The following LIMK2 variants were observed in gnomAD, a reference collection of about 807,000 sequenced individuals.
LIMK2 encodes LIM domain kinase 2.
A neutral mutation model predicts 75.7 loss-of-function variants in LIMK2; 35 were observed. The ratio of observed to expected loss-of-function variants is 0.46; its 90% CI spans 0.35 to 0.61. The LOEUF (loss-of-function observed/expected upper bound fraction) is 0.61, where lower values mean the gene tolerates loss of function less well. LIMK2 is among the 20% of genes least tolerant of loss of function. The probability of loss-of-function intolerance (pLI) is 0.00; values close to 1 mark genes in which losing one functional copy is unlikely to be tolerated. For synonymous variants in LIMK2, 301 were observed against 319.2 expected (o/e 0.94, Z 0.61); for missense variants, 623 against 831.0 (o/e 0.75, Z 3.08).
At chr22:31,275,399 G>C in intron 15 of LIMK2, 91 bp downstream of exon 15, 7 of 1,306,326 alleles carry the variant, frequency 5.4e-6, no homozygotes. Flanking sequence ...CAAGCACAGG[G>C]GTGAGAGAAG....
At position 31,275,889 on chromosome 22, in the gene LIMK2, A is replaced by G. The variant is rs145488149; in HGVS notation, c.1772+581A>G. 1.5e-3 allele frequency among the ~76,000 whole-genome samples: 221 copies of G among 152,268 alleles called. 1 individual carries two copies. The highest frequency in any genetic ancestry group is 4.4e-3 in the African/African-American group (183 of 41,542). On this transcript the variant is annotated intron_variant, in intron 15 of 15. Transcript: ENST00000331728. ...AAATTACCTTTATTCTTCTCAGGTAATAATTTCATTATTACCAAAGTTACC... is the reference window on the plus strand; with the variant it reads ...AAATTACCTTTATTCTTCTCAGGTAGTAATTTCATTATTACCAAAGTTACC...
Position 31,258,439 on chromosome 22 carries a change from C to T in LIMK2, c.252+13C>T. ...AGGGCCTTTTATGGTGAGTGAATCCCTTCATATCTGCCCCTCTTGGTCTTC... is the reference window on the plus strand; with the variant it reads ...AGGGCCTTTTATGGTGAGTGAATCCTTTCATATCTGCCCCTCTTGGTCTTC... On this transcript the variant is annotated intron_variant, in intron 3 of 15. Coordinates refer to ENST00000331728, the MANE Select transcript of LIMK2 (RefSeq NM_005569.4). 6.2e-7 allele frequency: 1 copy of T among 1,613,734 alleles called. No homozygotes were observed. Among genetic ancestry groups the T allele is most frequent in the East Asian group, 2.2e-5 (1 of 44,874 alleles).
At chr22:31,275,499 G>A (rs2049004543) in intron 15 of LIMK2, 191 bp downstream of exon 15, 1 of 587,892 alleles carries the variant, frequency 1.7e-6, no homozygotes, top group Non-Finnish European at 3.0e-6. Context: ...AGACATAGCA[G>A]CAAGTAATCT....
intron 2 of LIMK2, among the ~76,000 whole-genome samples, chr22:31,241,276 A>G (rs1226809711): frequency 2.0e-5 from 3 of 152,240 alleles, no homozygotes; most frequent in Admixed American, 2.0e-4. Flanking sequence ...AGGCAGTTTT[A>G]GTATGTTGGA....
At chr22:31,244,968 CT>C (rs2048654984) in intron 2 of LIMK2, among the ~76,000 whole-genome samples, 1 of 152,214 alleles carries the variant, frequency 6.6e-6, no homozygotes, top group Non-Finnish European at 1.5e-5. Flanking sequence ...GTGATTTAAC[CT>C]CCCTGTACCT....
rs780736822 is a variant in LIMK2, at chr22:31,272,572, A to G, written c.1426A>G (p.Ile476Val). The G allele has an allele frequency of 3.1e-6, 5 of 1,613,762 alleles. No individual in the cohort carries two copies. Among genetic ancestry groups the G allele is most frequent in the Non-Finnish European group, 4.2e-6 (5 of 1,179,910 alleles). The change falls in exon 13 of 16, where the codon ATA (isoleucine) becomes GTA (valine). Residue 476 changes from isoleucine to valine, a missense_variant. Physicochemically the swap from Ile to Val is conservative, Grantham distance 29. Transcript: ENST00000331728. ...GGCAGACTTTGGGCTGTCACGGCTC[A>G]TAGTGGAAGAGAGGAAAAGGGCCCC... ...VVADFGLSRL[I>V]VEERKRAPME...
In LIMK2 at chr22:31,220,527, G is replaced by A. The variant is rs538032737; in HGVS notation, c.17-5193G>A. On this transcript the variant is annotated intron_variant, in intron 1 of 15. Coordinates refer to ENST00000331728, the MANE Select transcript of LIMK2 (RefSeq NM_005569.4). ...TTAGTTCTCTGAATGGGGTGTGGGG[G>A]AGGAGAGTGGAGAGAGAGGGACTGA... Among the ~76,000 whole-genome samples the A allele has an allele frequency of 2.6e-5, 4 of 152,334 alleles. No individual in the cohort carries two copies. In the South Asian group the frequency reaches 8.3e-4, roughly 32 times the overall value.
intron 15 of LIMK2, among the ~76,000 whole-genome samples, chr22:31,276,118 C>G (rs1362623747): frequency 2.0e-5 from 3 of 152,056 alleles, no homozygotes; most frequent in African/African-American, 7.2e-5. Context: ...TGCCTGTAAC[C>G]CCAGCTACTT....
chr22:31,267,358 A>G (rs558506652), intron 9 of LIMK2, among the ~76,000 whole-genome samples: 9 of 152,320 alleles, frequency 5.9e-5, no homozygotes, highest in East Asian at 3.9e-4. Context: ...AAACACTCCA[A>G]TTTAGTACAA....
At chr22:31,225,846 A>C (rs1199281005) in intron 2 of LIMK2, 27 bp downstream of exon 2, 2 of 1,514,902 alleles carry the variant, frequency 1.3e-6, no homozygotes, top group Middle Eastern at 1.7e-4. Context: ...TCCCATCTTT[A>C]CCAGTGTACT....
At chr22:31,214,518 C>T (rs1030067364) in intron 1 of LIMK2, among the ~76,000 whole-genome samples, 2 of 151,254 alleles carry the variant, frequency 1.3e-5, no homozygotes, top group African/African-American at 4.9e-5. Flanking sequence ...ATGTTGCCCA[C>T]GGTGGTTTCA....
At chr22:31,258,615 A>C in intron 3 of LIMK2, 189 bp downstream of exon 3, 1 of 592,990 alleles carries the variant, frequency 1.7e-6, no homozygotes, top group Non-Finnish European at 2.9e-6. Context: ...CCTTCCCTCA[A>C]AGACTTAATA....
chr22:31,251,575 TC>T lies in LIMK2; in HGVS notation c.117-6714del, dbSNP rs528824485. 5.3e-5 allele frequency among the ~76,000 whole-genome samples: 8 copies of T among 152,346 alleles called. No homozygotes were observed. In the South Asian group the frequency reaches 1.7e-3, roughly 32 times the overall value. On this transcript the variant is annotated intron_variant, in intron 2 of 15. Transcript: ENST00000331728. ...CACAAAATACTTGAAACTACAGTCT[TC>T]CTGGTTTTTGGTTGGAACTGAATCA...
chr22:31,269,084 G>A (rs1374630852), intron 11 of LIMK2, among the ~76,000 whole-genome samples: 1 of 151,256 alleles, frequency 6.6e-6, no homozygotes, highest in Non-Finnish European at 1.5e-5. Flanking sequence ...TGTTTCTGGG[G>A]CTTGAATCAG....
intron 4 of LIMK2, 32 bp from the exon 5 acceptor site, chr22:31,259,857 G>C: frequency 1.9e-6 from 3 of 1,577,596 alleles, no homozygotes; most frequent in Non-Finnish European, 2.6e-6. Context: ...TGGGACTCTA[G>C]CATCTTATTC....
In LIMK2 at chr22:31,262,360, C is replaced by T; in HGVS notation, c.657+121C>T. On this transcript the variant is annotated intron_variant, in intron 6 of 15. Coordinates refer to ENST00000331728, the MANE Select transcript of LIMK2 (RefSeq NM_005569.4). This position sits in a 1 kb window ranked among gnomAD's most constrained non-coding sequence, Gnocchi z 5.0. Reference sequence around the variant, plus strand: ...CCATCTCTTTGTCTTAGCATTGAGCCTGTGACCACTGGTGACCTATTTCAG... The same window carrying T: ...CCATCTCTTTGTCTTAGCATTGAGCTTGTGACCACTGGTGACCTATTTCAG... The T allele has an allele frequency of 1.1e-6, 1 of 874,784 alleles. No individual in the cohort carries two copies. Among genetic ancestry groups the T allele is most frequent in the East Asian group, 2.6e-5 (1 of 38,876 alleles). 54.2% of individuals were successfully genotyped at this position (874,784 alleles called of 1,614,324 possible).
At chr22:31,277,360 ACT>A in intron 15 of LIMK2, 3 of 1,344,788 alleles carry the variant, frequency 2.2e-6, no homozygotes, top group African/African-American at 1.5e-5. Context: ...TTTTATATTG[ACT>A]CTGCGGCACG....
chr22:31,240,782 A>G (rs1409350347), intron 2 of LIMK2, among the ~76,000 whole-genome samples: 1 of 152,150 alleles, frequency 6.6e-6, no homozygotes, highest in Non-Finnish European at 1.5e-5. Context: ...GGAAAGAGAG[A>G]GGCAGCTACT....
At chr22:31,224,094 C>T (rs1009670548) in intron 1 of LIMK2, among the ~76,000 whole-genome samples, 1 of 152,166 alleles carries the variant, frequency 6.6e-6, no homozygotes, top group Non-Finnish European at 1.5e-5. Flanking sequence ...ATACACAGAG[C>T]GCACAAGGGA....
Sources: gnomAD v4.1 joint callset for allele counts (sites outside exome capture counted in the v4.1 genomes callset) on GRCh38, gnomAD v4.1.1 for gene constraint, Gnocchi (gnomAD v3.1) non-coding constraint, MANE v1.5 for transcripts, NCBI Gene and HGNC (gene_info 2026-07-23, HGNC 2026-07-21) for gene names.